The following DIS3L2 variants were observed in gnomAD, a reference collection of about 807,000 sequenced individuals.
The protein encoded by DIS3L2 is DIS3 like 3'-5' exoribonuclease 2.
A neutral mutation model predicts 97.5 loss-of-function variants in DIS3L2; 34 were observed. The observed-to-expected ratio is 0.35, with a 90% CI of 0.27 to 0.46. DIS3L2 has a LOEUF of 0.46. Ranked by LOEUF, DIS3L2 falls within the 20% of genes least tolerant of loss-of-function variation. The probability of loss-of-function intolerance (pLI) is 1.00; values close to 1 mark genes in which losing one functional copy is unlikely to be tolerated. For missense variants in DIS3L2, 1,038 were observed against 1,146.0 expected, an observed-to-expected ratio of 0.91 and a Z score of 1.36; for synonymous variants, 435 against 445.2, an observed-to-expected ratio of 0.98 and a Z score of 0.29.
At chr2:232,295,906 A>G (rs1000406154) in intron 13 of DIS3L2, among the ~76,000 whole-genome samples, 2 of 152,196 alleles carry the variant, frequency 1.3e-5, no homozygotes, top group Non-Finnish European at 2.9e-5. Context: ...TGGCTTCTAT[A>G]ATGTCAGAAC....
intron 5 of DIS3L2, among the ~76,000 whole-genome samples, chr2:232,053,798 C>G (rs1695472863): frequency 6.6e-6 from 1 of 152,236 alleles, no homozygotes; most frequent in African/African-American, 2.4e-5. Flanking sequence ...CAGCACCTCT[C>G]TGTGTTTACC....
rs139073515 is a variant in DIS3L2, at chr2:232,214,476, A to G, written c.1204+4071A>G. Among the ~76,000 whole-genome samples, 987 of 152,312 alleles carry G rather than the reference A, an allele frequency of 6.5e-3. 6 individuals are homozygous for G. The highest frequency in any genetic ancestry group is 0.01 in the Middle Eastern group (3 of 294). Reference sequence around the variant, plus strand: ...AATCTAGTGTCTCATTTGACAACCTATCAGTTACTAGATAACAGTTATCAT... The same window carrying G: ...AATCTAGTGTCTCATTTGACAACCTGTCAGTTACTAGATAACAGTTATCAT... On this transcript the variant is annotated intron_variant, in intron 10 of 20. Transcript: ENST00000325385.
At chr2:232,288,833 A>T (rs986325255) in intron 13 of DIS3L2, among the ~76,000 whole-genome samples, 1 of 152,212 alleles carries the variant, frequency 6.6e-6, no homozygotes, top group Non-Finnish European at 1.5e-5. Context: ...TATTTTGAAG[A>T]ACTTTGCTTT....
intron 13 of DIS3L2, among the ~76,000 whole-genome samples, chr2:232,266,803 C>T (rs1413240769): frequency 1.3e-5 from 2 of 152,208 alleles, no homozygotes; most frequent in Non-Finnish European, 2.9e-5. Flanking sequence ...TGGTGGCAGT[C>T]CTTTAAAAAA....
chr2:232,252,442 C>T (rs373817806), intron 12 of DIS3L2, among the ~76,000 whole-genome samples: 37 of 152,100 alleles, frequency 2.4e-4, no homozygotes, highest in African/African-American at 8.2e-4. Context: ...AAGAAGAGGA[C>T]GCTAAGCTGG....
intron 6 of DIS3L2, among the ~76,000 whole-genome samples, chr2:232,101,988 C>A (rs920515910): frequency 1.6e-4 from 24 of 152,192 alleles, no homozygotes; most frequent in Admixed American, 6.5e-4. Flanking sequence ...TTACACTGGG[C>A]AGAATGTCCT....
In DIS3L2 at chr2:232,163,528, T is replaced by C. The variant is rs2106377169; in HGVS notation, c.1020T>C (p.Tyr340=). ...EPETEGILTE[Y]GVDFSDFSSE... Reference sequence around the variant, plus strand: ...AAACAGAAGGAATACTAACAGAGTATGGCGTGGATTTCTCTGATTTCTCTT... The same window carrying C: ...AAACAGAAGGAATACTAACAGAGTACGGCGTGGATTTCTCTGATTTCTCTT... Residue 340 remains tyrosine (Y), a synonymous_variant, in exon 9 of 21, where the codon TAT becomes TAC. Coordinates refer to ENST00000325385, the MANE Select transcript of DIS3L2 (RefSeq NM_152383.5). 6.2e-7 allele frequency: 1 copy of C among 1,614,198 alleles called. No individual in the cohort carries two copies. The highest frequency in any genetic ancestry group is 8.5e-7 in the Non-Finnish European group (1 of 1,180,022).
At position 232,030,068 on chromosome 2, in the gene DIS3L2, G is replaced by T; in HGVS notation, c.354G>T (p.Glu118Asp). 6.2e-7 allele frequency: 1 copy of T among 1,611,070 alleles called. No individual in the cohort carries two copies. Among genetic ancestry groups the T allele is most frequent in the Non-Finnish European group, 8.5e-7 (1 of 1,178,814 alleles). ...TGGTGGTCGTGAAACTGCTTCCCGA[G>T]GAGCATTGGAAGGTGAGTTAAGTTT... ...GDLVVVKLLP[E>D]EHWKVVKPES... The change falls in exon 5 of 21, where the codon GAG becomes GAT. Residue 118 changes from glutamate to aspartate, a missense_variant. Glu to Asp is a conservative substitution (Grantham distance 45, BLOSUM62 2). Around this residue, in one of 3 missense-constraint regions of DIS3L2, gnomAD observed 813 missense variants for 880.1 expected, o/e 0.92. Transcript: ENST00000325385.
intron 1 of DIS3L2, among the ~76,000 whole-genome samples, chr2:231,994,925 A>G (rs1443827098): frequency 6.8e-6 from 1 of 147,292 alleles, no homozygotes; most frequent in Non-Finnish European, 1.5e-5. Context: ...TGATTTTCTC[A>G]CCTCAGCCTT....
At chr2:232,111,935 A>C (rs1697549171) in intron 6 of DIS3L2, among the ~76,000 whole-genome samples, 1 of 152,216 alleles carries the variant, frequency 6.6e-6, no homozygotes, top group Admixed American at 6.5e-5. Context: ...CCATTAGTGA[A>C]CCTTGGATCA....
chr2:232,073,218 CAT>C (rs796516357), intron 5 of DIS3L2, among the ~76,000 whole-genome samples: 17 of 152,110 alleles, frequency 1.1e-4, no homozygotes, highest in Non-Finnish European at 1.8e-4. Context: ...TTTGTTAAAA[CAT>C]GTGTGGCAAG....
rs781674022 is a variant in DIS3L2 at position 232,333,880 on chromosome 2, C to A, written c.2051C>A (p.Ala684Glu). ...YFCSGLLQDP[A>E]QFRHYALNVP... Reference sequence around the variant, plus strand: ...TGCTCGGGGCTGCTGCAGGACCCAGCGCAGTTCCGGCACTACGCGCTCAAT... The same window carrying A: ...TGCTCGGGGCTGCTGCAGGACCCAGAGCAGTTCCGGCACTACGCGCTCAAT... The change falls in exon 17 of 21, where the codon GCG becomes GAG. Residue 684 changes from alanine to glutamate, a missense_variant. Ala to Glu is a moderately radical substitution (Grantham distance 107). This residue lies in a region of DIS3L2 where 813 missense variants were observed against 880.1 expected (regional missense o/e 0.92). Transcript: ENST00000325385. The A allele has an allele frequency of 6.2e-7, 1 of 1,612,798 alleles. No individual in the cohort carries two copies. Among genetic ancestry groups the A allele is most frequent in the South Asian group, 1.1e-5 (1 of 91,080 alleles).
Position 232,263,321 on chromosome 2 carries a change from C to T in DIS3L2, c.1540C>T (p.Pro514Ser), listed in dbSNP as rs1463177673. Reference sequence around the variant, plus strand: ...TGAGAAAATCCCTGCGAAAGAGCTGCCCCCCATTTCCCCAGAGCATAGCAG... The same window carrying T: ...TGAGAAAATCCCTGCGAAAGAGCTGTCCCCCATTTCCCCAGAGCATAGCAG... ...PTEKIPAKEL[P>S]PISPEHSSEE... is the part of the protein sequence containing the mutation. The change falls in exon 13 of 21, where the codon CCC becomes TCC. Residue 514 changes from proline to serine, a missense_variant. By Grantham distance (74) the Pro-to-Ser change is moderately conservative (BLOSUM62 -1). This residue lies in a region of DIS3L2 where 813 missense variants were observed against 880.1 expected (regional missense o/e 0.92). Coordinates refer to ENST00000325385, the MANE Select transcript of DIS3L2 (RefSeq NM_152383.5). 1.9e-6 allele frequency: 3 copies of T among 1,614,176 alleles called. No individual in the cohort carries two copies. Among genetic ancestry groups the T allele is most frequent in the Admixed American group, 3.3e-5 (2 of 60,024 alleles).
chr2:232,322,598 G>A (rs1695466612), intron 14 of DIS3L2, among the ~76,000 whole-genome samples: 1 of 152,218 alleles, frequency 6.6e-6, no homozygotes, highest in African/African-American at 2.4e-5. Context: ...CTGCTGAAGG[G>A]GATCTGACCT....
chr2:232,317,847 G>A (rs578154314), intron 14 of DIS3L2, among the ~76,000 whole-genome samples: 5 of 152,270 alleles, frequency 3.3e-5, no homozygotes, highest in African/African-American at 1.2e-4. Flanking sequence ...TTATGGAATA[G>A]TTAACAATAG....
At chr2:232,066,280 G>A (rs1695854838) in intron 5 of DIS3L2, among the ~76,000 whole-genome samples, 1 of 151,886 alleles carries the variant, frequency 6.6e-6, no homozygotes, top group Non-Finnish European at 1.5e-5. Flanking sequence ...TTTCATAGAT[G>A]CCCTTTATCA....
chr2:232,289,305 G>A (rs912298334), intron 13 of DIS3L2, among the ~76,000 whole-genome samples: 1 of 147,128 alleles, frequency 6.8e-6, no homozygotes, highest in African/African-American at 2.5e-5. Context: ...CCGTGTTCTT[G>A]CCTCTCTCAT....
intron 13 of DIS3L2, among the ~76,000 whole-genome samples, chr2:232,278,082 T>A (rs749685033): frequency 6.6e-6 from 1 of 152,210 alleles, no homozygotes; most frequent in Non-Finnish European, 1.5e-5. Flanking sequence ...TAGTGCATTG[T>A]TACTGCTTCT....
chr2:232,253,604 T>C (rs1317443366), intron 12 of DIS3L2, among the ~76,000 whole-genome samples: 2 of 151,920 alleles, frequency 1.3e-5, no homozygotes, highest in African/African-American at 2.4e-5. Context: ...AGTAGATTGA[T>C]AAAATGAATT....
Sources: gnomAD v4.1 joint callset for allele counts (sites outside exome capture counted in the v4.1 genomes callset) on GRCh38, gnomAD v4.1.1 for gene constraint, gnomAD v4.1.1 regional missense constraint, MANE v1.5 for transcripts, NCBI Gene and HGNC (gene_info 2026-07-23, HGNC 2026-07-21) for gene names.